CNDP2: variants seen among roughly 807,000 people sequenced by gnomAD.
CNDP2 encodes carnosine dipeptidase 2.
In CNDP2, 38 loss-of-function variants were observed where a neutral mutation model predicts 55.0. That is an observed-to-expected ratio of 0.69 (90% CI 0.53 to 0.90). The LOEUF is 0.90. Ranked by LOEUF, CNDP2 falls within the 40% of genes least tolerant of loss-of-function variation. The pLI, the probability that CNDP2 is intolerant of heterozygous loss-of-function variation, is 0.00. For missense variants in CNDP2, 607 were observed against 621.7 expected (o/e 0.98, Z 0.25); for synonymous variants, 241 against 260.2 (o/e 0.93, Z 0.71).
chr18:74,514,294 A>G (rs1979522190), intron 8 of CNDP2, among the ~76,000 whole-genome samples: 1 of 151,706 alleles, frequency 6.6e-6, no homozygotes, highest in African/African-American at 2.4e-5. Context: ...TTTATGTGGT[A>G]TGGATGTAAG....
chr18:74,515,833 C>T lies in CNDP2; in HGVS notation c.904-395C>T, dbSNP rs1412379583. ...CCCATGGGCCTGGGAGAGGCCTGCACACAGCCTGGGCTGCATCCCCTCTTA... is the reference window on the plus strand; with the variant it reads ...CCCATGGGCCTGGGAGAGGCCTGCATACAGCCTGGGCTGCATCCCCTCTTA... On this transcript the variant is annotated intron_variant, in intron 8 of 11. Transcript: ENST00000324262. 2.6e-5 allele frequency among the ~76,000 whole-genome samples: 4 copies of T among 152,316 alleles called. No homozygotes were observed. In the East Asian group the frequency reaches 7.7e-4, roughly 29 times the overall value.
chr18:74,513,175 A>G (rs1164647785), intron 7 of CNDP2, among the ~76,000 whole-genome samples: 2 of 152,188 alleles, frequency 1.3e-5, no homozygotes, highest in Non-Finnish European at 2.9e-5. Flanking sequence ...TGGTTGTTAG[A>G]GTGGGGCTGC....
chr18:74,496,763 G>A (rs1201961729), intron 1 of CNDP2, among the ~76,000 whole-genome samples: 1 of 152,220 alleles, frequency 6.6e-6, no homozygotes, highest in Non-Finnish European at 1.5e-5. Flanking sequence ...GGAGTCGAGT[G>A]GAACGACCCG....
At chr18:74,502,990 A>G (rs1000273588) in intron 3 of CNDP2, among the ~76,000 whole-genome samples, 3 of 151,286 alleles carry the variant, frequency 2.0e-5, no homozygotes, top group African/African-American at 7.3e-5. Flanking sequence ...GCTTCCCACC[A>G]ATTTTCCCCC....
intron 8 of CNDP2, among the ~76,000 whole-genome samples, chr18:74,515,670 G>T (rs987850216): frequency 1.3e-5 from 2 of 152,194 alleles, no homozygotes; most frequent in African/African-American, 4.8e-5. Flanking sequence ...TCATGATATT[G>T]ATGACACACT....
Position 74,501,429 on chromosome 18 carries a change from A to T in CNDP2, c.161A>T (p.Gln54Leu). Reference protein sequence around the residue: ...MMEVAAADVKQLGGSVELVDI... With the variant: ...MMEVAAADVKLLGGSVELVDI... Reference sequence around the variant, plus strand: ...GAAGTTGCTGCTGCAGATGTTAAGCAGTTGGGGGGCTCTGTGGAACTGGTG... The same window carrying T: ...GAAGTTGCTGCTGCAGATGTTAAGCTGTTGGGGGGCTCTGTGGAACTGGTG... Residue 54 changes from glutamine (Q) to leucine (L), a missense_variant, in exon 3 of 12, where the codon CAG (glutamine) becomes CTG (leucine). Coordinates refer to ENST00000324262, the MANE Select transcript of CNDP2 (RefSeq NM_018235.3). 1.2e-6 allele frequency: 2 copies of T among 1,614,122 alleles called. No individual in the cohort carries two copies. Among genetic ancestry groups the T allele is most frequent in the South Asian group, 2.2e-5 (2 of 91,080 alleles).
intron 1 of CNDP2, among the ~76,000 whole-genome samples, chr18:74,498,226 G>A (rs1285764965): frequency 1.3e-5 from 2 of 152,152 alleles, no homozygotes; most frequent in Admixed American, 1.3e-4. Context: ...CCTGAGCTGC[G>A]CTCACACAAA....
intron 10 of CNDP2, 123 bp from the exon 11 acceptor site, chr18:74,518,826 G>C (rs957908172): frequency 4.1e-6 from 6 of 1,474,492 alleles, no homozygotes; most frequent in African/African-American, 1.4e-5. Flanking sequence ...CCTTGAACGC[G>C]GGCTTGCTGT....
chr18:74,511,669 T>C (rs1478095391), intron 6 of CNDP2, among the ~76,000 whole-genome samples: 1 of 150,828 alleles, frequency 6.6e-6, no homozygotes, highest in Non-Finnish European at 1.5e-5. Context: ...GATTGCACCA[T>C]TGCACTCCAG....
In CNDP2 at chr18:74,512,437, T is replaced by C. The variant is rs1292205663; in HGVS notation, c.658-11T>C. The stretch of plus-strand genomic sequence containing the variant: ...AGGCAGCCAGACACAGTGGCCTTTG[T>C]TTCCGTGCAGGTGGAGTGCAGCAAC... On this transcript the variant is annotated splice_polypyrimidine_tract_variant and intron_variant, in intron 6 of 11. Coordinates refer to ENST00000324262, the MANE Select transcript of CNDP2 (RefSeq NM_018235.3). The C allele has an allele frequency of 6.2e-7, 1 of 1,610,894 alleles. No individual in the cohort carries two copies. The highest frequency in any genetic ancestry group is 1.7e-5 in the Admixed American group (1 of 59,678).
intron 9 of CNDP2, chr18:74,516,604 G>A (rs1040546233): frequency 4.4e-5 from 24 of 542,014 alleles, no homozygotes; most frequent in African/African-American, 6.9e-5. Flanking sequence ...GATGAGGCAG[G>A]CCAAAATCTG....
chr18:74,501,270 C>T, intron 2 of CNDP2, 59 bp from the exon 3 acceptor site: 1 of 1,564,528 alleles, frequency 6.4e-7, no homozygotes, highest in East Asian at 2.3e-5. Context: ...GTTACGGGAG[C>T]CTCTTCTCCC....
chr18:74,518,760 A>T, intron 10 of CNDP2, 120 bp downstream of exon 10: 2 of 1,461,898 alleles, frequency 1.4e-6, no homozygotes. Context: ...GGGGGCGTGT[A>T]GTTAAGTCAG....
chr18:74,502,882 C>G (rs759374498), intron 3 of CNDP2, among the ~76,000 whole-genome samples: 8 of 152,144 alleles, frequency 5.3e-5, no homozygotes, highest in Non-Finnish European at 8.8e-5. Flanking sequence ...TCATGCAGAG[C>G]AGGTTCATGC....
Position 74,508,898 on chromosome 18 carries a change from C to T in CNDP2, c.426C>T (p.Asn142=), listed in dbSNP as rs539698234. 12 of 1,614,084 alleles carry T rather than the reference C, an allele frequency of 7.4e-6. No homozygotes were observed. The highest frequency in any genetic ancestry group is 6.6e-5 in the South Asian group (6 of 91,082). The change falls in exon 5 of 12, where the codon AAC becomes AAT. Residue 142 remains asparagine (N), a synonymous_variant. Transcript: ENST00000324262. ...AGGGCCCGGTGGCCGGCTGGATAAA[C>T]GCCCTGGAAGCGTATCAGAAAACAG... ...DDKGPVAGWI[N]ALEAYQKTGQ...
Position 74,516,222 on chromosome 18 carries a change from C to A in CNDP2, c.904-6C>A. On this transcript the variant is annotated splice_polypyrimidine_tract_variant and splice_region_variant and intron_variant, in intron 8 of 11. Coordinates refer to ENST00000324262, the MANE Select transcript of CNDP2 (RefSeq NM_018235.3). ...AGGTGTCCCTGACCCTCTGATTTTT[C>A]TGCAGAAAGACATCCTCATGCACCG... is the stretch of plus-strand genomic sequence containing the variant. 6.2e-7 allele frequency: 1 copy of A among 1,604,692 alleles called. No homozygotes were observed. The highest frequency in any genetic ancestry group is 2.2e-5 in the East Asian group (1 of 44,776).
intron 10 of CNDP2, 122 bp downstream of exon 10, chr18:74,518,762 T>A (rs1979873435): frequency 6.8e-7 from 1 of 1,463,716 alleles, no homozygotes; most frequent in Admixed American, 1.8e-5. Flanking sequence ...GGGCGTGTAG[T>A]TAAGTCAGCA....
At chr18:74,497,091 T>G (rs111525744) in intron 1 of CNDP2, among the ~76,000 whole-genome samples, 1,642 of 152,228 alleles carry the variant, frequency 0.011, 17 homozygotes, top group Non-Finnish European at 0.016. Context: ...AGAGACAATA[T>G]TTGGTCCTCA....
At position 74,518,570 on chromosome 18, in the gene CNDP2, C is replaced by T. The variant is rs200121262; in HGVS notation, c.1140C>T (p.His380=). The T allele has an allele frequency of 1.7e-5, 27 of 1,614,212 alleles. No individual in the cohort carries two copies. The Admixed American group carries it at 2.3e-4, about 14-fold the overall frequency. The change falls in exon 10 of 12, where the codon CAC becomes CAT. Residue 380 remains histidine (H), a synonymous_variant. Transcript: ENST00000324262. ...ATGAGTTCAAGGTGTACATGGGCCA[C>T]GGTGGGAAGCCCTGGGTCTCCGACT... ...SPNEFKVYMG[H]GGKPWVSDFS...
Sources: allele counts gnomAD v4.1 joint callset (sites outside exome capture counted in the v4.1 genomes callset), GRCh38; gene constraint gnomAD v4.1.1; transcripts MANE v1.5; gene names NCBI Gene and HGNC (gene_info 2026-07-23, HGNC 2026-07-21).